UBE2E1: variants seen among roughly 807,000 people sequenced by gnomAD.
The protein encoded by UBE2E1 is ubiquitin-conjugating enzyme E2 E1.
In UBE2E1, 6 loss-of-function variants were observed where a neutral mutation model predicts 21.4. The ratio of observed to expected loss-of-function variants is 0.28; its 90% CI spans 0.15 to 0.55. UBE2E1 has a LOEUF of 0.55. Ranked by LOEUF, UBE2E1 falls within the 20% of genes least tolerant of loss-of-function variation. UBE2E1 has a pLI of 0.93. For synonymous variants in UBE2E1, 87 were observed against 82.7 expected, an observed-to-expected ratio of 1.05 and a Z score of -0.28; for missense variants, 142 against 236.5, an observed-to-expected ratio of 0.60 and a Z score of 2.62.
chr3:23,821,231 A>G (rs1200869834), intron 3 of UBE2E1, among the ~76,000 whole-genome samples: 1 of 152,204 alleles, frequency 6.6e-6, no homozygotes, highest in South Asian at 2.1e-4. Context: ...GACAGAGTGC[A>G]GTGATGGAGA....
At chr3:23,817,170 T>C (rs1006296746) in intron 3 of UBE2E1, among the ~76,000 whole-genome samples, 1 of 152,120 alleles carries the variant, frequency 6.6e-6, no homozygotes, top group Non-Finnish European at 1.5e-5. Flanking sequence ...AAGCTGGGCA[T>C]GGTGGCTCAC....
rs765792163 is a variant in UBE2E1 at position 23,887,522 on chromosome 3, G to A, written c.204-45G>A. The A allele has an allele frequency of 3.2e-6, 5 of 1,574,964 alleles. No homozygotes were observed. The Admixed American group carries it at 1.0e-4, about 31-fold the overall frequency. ...TCTCTTTTAATACACTGTAAAAATT[G>A]GGATAGTGCCACCATCTGCTTATTT... On this transcript the variant is annotated intron_variant, in intron 3 of 5. Coordinates refer to ENST00000306627, the MANE Select transcript of UBE2E1 (RefSeq NM_003341.5). The surrounding 1 kb of genome is among the most constrained non-coding windows in gnomAD (Gnocchi z 4.4).
rs1015771459 is a variant in UBE2E1, at chr3:23,857,016, A to AG, written c.204-30551_204-30550insG. On this transcript the variant is annotated intron_variant, in intron 3 of 5. Transcript: ENST00000306627. ...GGCTGTCTCTTAAAAAAAAAAAAAA[A>AG]AAAGAGAGAGAATGAGAAATGCCAT... is the stretch of plus-strand genomic sequence containing the variant. 2.4e-3 allele frequency among the ~76,000 whole-genome samples: 353 copies of AG among 147,374 alleles called. 4 individuals carry two copies. Among genetic ancestry groups the AG allele is most frequent in the East Asian group, 5.4e-3 (28 of 5,150 alleles).
At chr3:23,855,385 C>A (rs914079574) in intron 3 of UBE2E1, among the ~76,000 whole-genome samples, 1 of 151,982 alleles carries the variant, frequency 6.6e-6, no homozygotes, top group South Asian at 2.1e-4. Flanking sequence ...TTAATTTTAA[C>A]CTTTAAAGTG....
At chr3:23,840,986 T>G (rs1438698619) in intron 3 of UBE2E1, among the ~76,000 whole-genome samples, 1 of 152,256 alleles carries the variant, frequency 6.6e-6, no homozygotes, top group Non-Finnish European at 1.5e-5. Flanking sequence ...GCAGATTTAG[T>G]ATCTGATATA....
chr3:23,883,597 A>G (rs565208933), intron 3 of UBE2E1, among the ~76,000 whole-genome samples: 15 of 152,298 alleles, frequency 9.8e-5, no homozygotes, highest in African/African-American at 3.4e-4. Flanking sequence ...AATTCATCCA[A>G]TAGCAGCTTT....
intron 3 of UBE2E1, among the ~76,000 whole-genome samples, chr3:23,850,331 T>G (rs989861875): frequency 1.3e-5 from 2 of 152,070 alleles, no homozygotes; most frequent in Non-Finnish European, 2.9e-5. Context: ...CAGATAAAAG[T>G]ACTTTATTAG....
chr3:23,858,208 T>C (rs1700480387), intron 3 of UBE2E1, among the ~76,000 whole-genome samples: 1 of 152,210 alleles, frequency 6.6e-6, no homozygotes, highest in Non-Finnish European at 1.5e-5. Context: ...AGGGCAGACA[T>C]AGGGCTACTA....
chr3:23,868,100 A>C (rs1700696409), intron 3 of UBE2E1, among the ~76,000 whole-genome samples: 1 of 152,144 alleles, frequency 6.6e-6, no homozygotes, highest in Admixed American at 6.5e-5. Context: ...AAGTCAAAAG[A>C]TCTCCCCTCA....
At chr3:23,822,694 A>T (rs908036636) in intron 3 of UBE2E1, among the ~76,000 whole-genome samples, 1 of 152,252 alleles carries the variant, frequency 6.6e-6, no homozygotes, top group Non-Finnish European at 1.5e-5. Context: ...AAAATATTTT[A>T]CATGCTTTGA....
intron 3 of UBE2E1, among the ~76,000 whole-genome samples, chr3:23,855,684 G>A (rs1002704872): frequency 2.6e-5 from 4 of 152,098 alleles, no homozygotes; most frequent in Middle Eastern, 6.8e-3. Context: ...AAAAAAATTA[G>A]CTGGGCGTGG....
intron 3 of UBE2E1, among the ~76,000 whole-genome samples, chr3:23,824,971 G>A (rs1327559044): frequency 6.6e-6 from 1 of 152,068 alleles, no homozygotes; most frequent in Non-Finnish European, 1.5e-5. Flanking sequence ...AATTATTATG[G>A]GGCTAAACTT....
chr3:23,845,581 C>CTGTGTGTGTGTGTGTG (rs1343231599), intron 3 of UBE2E1, among the ~76,000 whole-genome samples: 3 of 48,444 alleles, frequency 6.2e-5, no homozygotes, highest in Non-Finnish European at 1.5e-4. Flanking sequence ...CTCTCTCTCT[C>CTGTGTGTGTGTGTGTG]TCTCTCTCTG....
At chr3:23,879,468 T>C (rs1575037275) in intron 3 of UBE2E1, 1 of 379,142 alleles carries the variant, frequency 2.6e-6, no homozygotes, top group East Asian at 6.5e-5. Context: ...CTGGACAGGA[T>C]AGAAGTGTGG....
intron 4 of UBE2E1, chr3:23,888,333 G>C (rs1050124225): frequency 4.4e-6 from 2 of 451,952 alleles, no homozygotes; most frequent in African/African-American, 4.0e-5. Flanking sequence ...AGAAAACCCC[G>C]TCTTGGGGAT....
chr3:23,812,794 T>G (rs1246971032), intron 3 of UBE2E1, among the ~76,000 whole-genome samples: 1 of 152,178 alleles, frequency 6.6e-6, no homozygotes, highest in Non-Finnish European at 1.5e-5. Context: ...GTAGCTTCCC[T>G]TGGTTGTTTG....
At chr3:23,820,953 T>A (rs1416635304) in intron 3 of UBE2E1, among the ~76,000 whole-genome samples, 1 of 152,196 alleles carries the variant, frequency 6.6e-6, no homozygotes, top group Non-Finnish European at 1.5e-5. Context: ...CTTGGGATGA[T>A]CTTACTTGGA....
chr3:23,854,845 C>T (rs951489070), intron 3 of UBE2E1, among the ~76,000 whole-genome samples: 4 of 152,162 alleles, frequency 2.6e-5, no homozygotes, highest in Admixed American at 2.6e-4. Context: ...AGAAGCATAT[C>T]TTTAAATGTC....
At chr3:23,811,642 C>G in intron 3 of UBE2E1, 132 bp downstream of exon 3, 5 of 813,012 alleles carry the variant, frequency 6.1e-6, no homozygotes, top group Non-Finnish European at 9.8e-6. Flanking sequence ...CACGTAACAG[C>G]TGAAATTTAT....
Sources: gnomAD v4.1 joint callset for allele counts (sites outside exome capture counted in the v4.1 genomes callset) on GRCh38, gnomAD v4.1.1 for gene constraint, Gnocchi (gnomAD v3.1) non-coding constraint, MANE v1.5 for transcripts, NCBI Gene and HGNC (gene_info 2026-07-23, HGNC 2026-07-21) for gene names.